Variants in NKAIN3 observed in about 807,000 individuals in gnomAD.
NKAIN3 encodes sodium/potassium-transporting ATPase subunit beta-1-interacting protein 3.
In NKAIN3, 25 loss-of-function variants were observed where a neutral mutation model predicts 30.2. That is an observed-to-expected ratio of 0.83 (90% CI 0.60 to 1.16). NKAIN3 has a LOEUF of 1.16. Among genes scored for constraint, NKAIN3 ranks in the 50% most tolerant of loss-of-function variants. The pLI is 0.00. For synonymous variants in NKAIN3, 91 were observed against 89.6 expected (o/e 1.02, Z -0.09); for missense variants, 225 against 254.1 (o/e 0.89, Z 0.78).
At chr8:62,738,867 A>T (rs1815765805) in intron 3 of NKAIN3, among the ~76,000 whole-genome samples, 1 of 152,088 alleles carries the variant, frequency 6.6e-6, no homozygotes, top group Non-Finnish European at 1.5e-5. Flanking sequence ...TGGCTTTTGA[A>T]ATGCCCTCCA....
intron 1 of NKAIN3, 104 bp from the exon 2 acceptor site, chr8:62,579,435 T>A: frequency 1.3e-6 from 1 of 773,984 alleles, no homozygotes; most frequent in Non-Finnish European, 1.9e-6. Flanking sequence ...ACAAAAAGTG[T>A]GATTGAAGTT....
At chr8:62,863,733 C>T (rs1055245955) in intron 4 of NKAIN3, 5 of 1,588,452 alleles carry the variant, frequency 3.1e-6, no homozygotes, top group Non-Finnish European at 4.3e-6. Flanking sequence ...ACTTTCATTG[C>T]AACAAATCTT....
At chr8:62,456,896 C>A (rs968724271) in intron 1 of NKAIN3, among the ~76,000 whole-genome samples, 4 of 152,218 alleles carry the variant, frequency 2.6e-5, no homozygotes, top group African/African-American at 9.6e-5. Flanking sequence ...CTAGGCACTA[C>A]TTTATAAGAA....
At chr8:62,403,084 C>G (rs368681273) in intron 1 of NKAIN3, among the ~76,000 whole-genome samples, 194 of 152,184 alleles carry the variant, frequency 1.3e-3, no homozygotes, top group African/African-American at 4.6e-3. Context: ...AAACTTGTTG[C>G]GAACTGGAGT....
At chr8:62,712,518 G>A (rs1252740854) in intron 3 of NKAIN3, among the ~76,000 whole-genome samples, 5 of 152,002 alleles carry the variant, frequency 3.3e-5, no homozygotes, top group Non-Finnish European at 4.4e-5. Context: ...GGGAAGTGGG[G>A]GAAAGCCAGC....
chr8:62,683,429 A>G (rs1334621128), intron 3 of NKAIN3, among the ~76,000 whole-genome samples: 1 of 152,202 alleles, frequency 6.6e-6, no homozygotes, highest in Non-Finnish European at 1.5e-5. Flanking sequence ...CTAAGGAGTT[A>G]CCAAAGGTCA....
chr8:62,875,653 A>C (rs928148385), intron 4 of NKAIN3, among the ~76,000 whole-genome samples: 1 of 152,078 alleles, frequency 6.6e-6, no homozygotes, highest in South Asian at 2.1e-4. Flanking sequence ...CAGAACAGAG[A>C]CCTCAGAAAT....
chr8:62,498,174 C>G (rs1262541007), intron 1 of NKAIN3, among the ~76,000 whole-genome samples: 1 of 152,004 alleles, frequency 6.6e-6, no homozygotes, highest in Non-Finnish European at 1.5e-5. Flanking sequence ...AATGAGATCC[C>G]TGGTTGTTTT....
chr8:62,803,386 TA>T (rs1479324021), intron 4 of NKAIN3, among the ~76,000 whole-genome samples: 1 of 151,898 alleles, frequency 6.6e-6, no homozygotes, highest in African/African-American at 2.4e-5. Flanking sequence ...TCAGCAAATG[TA>T]AAAAAACAGA....
At chr8:62,868,942 A>G (rs950685643) in intron 4 of NKAIN3, among the ~76,000 whole-genome samples, 28 of 147,746 alleles carry the variant, frequency 1.9e-4, no homozygotes, top group South Asian at 6.6e-4. Context: ...AGAGAAGGGG[A>G]AAAAAAAAAG....
intron 5 of NKAIN3, among the ~76,000 whole-genome samples, chr8:62,918,847 G>C (rs1822185964): frequency 6.6e-6 from 1 of 152,010 alleles, no homozygotes; most frequent in Non-Finnish European, 1.5e-5. Context: ...ACCAATTTTA[G>C]GCATGTTGGT....
At chr8:62,711,686 CT>C (rs1814723274) in intron 3 of NKAIN3, among the ~76,000 whole-genome samples, 1 of 152,186 alleles carries the variant, frequency 6.6e-6, no homozygotes, top group African/African-American at 2.4e-5. Flanking sequence ...CTTCACCTTT[CT>C]CTGGTCCCTC....
intron 5 of NKAIN3, among the ~76,000 whole-genome samples, chr8:62,994,709 G>T (rs138063693): frequency 3.5e-4 from 54 of 152,268 alleles, no homozygotes; most frequent in Middle Eastern, 6.8e-3. Flanking sequence ...GGCATTAACC[G>T]AGAGAAGAGA....
At chr8:62,710,319 A>G (rs1420293172) in intron 3 of NKAIN3, among the ~76,000 whole-genome samples, 1 of 152,086 alleles carries the variant, frequency 6.6e-6, no homozygotes. Flanking sequence ...GTCATGGAGT[A>G]TGGGAATCCT....
In NKAIN3 at chr8:62,976,972, G is replaced by A. The variant is rs1563652279; in HGVS notation, c.*11565G>A. Among the ~76,000 whole-genome samples, 1 of 152,166 alleles carries A rather than the reference G, an allele frequency of 6.6e-6. No individual in the cohort carries two copies. Among genetic ancestry groups the A allele is most frequent in the Non-Finnish European group, 1.5e-5 (1 of 68,036 alleles). ...AGTTTGGCTGGATATGAAATTCTGG[G>A]TTGAAAATTCTTTTCTTTAAGAATG... On this transcript the variant is annotated 3_prime_UTR_variant, in exon 7 of 7. Transcript: ENST00000623646.
At chr8:62,779,573 CA>C (rs904721360) in intron 4 of NKAIN3, among the ~76,000 whole-genome samples, 3 of 151,150 alleles carry the variant, frequency 2.0e-5, no homozygotes, top group Admixed American at 2.0e-4. Context: ...GCAAGAAAGC[CA>C]AAAAAAATTG....
chr8:62,476,217 T>C (rs139835242), intron 1 of NKAIN3, among the ~76,000 whole-genome samples: 6 of 152,284 alleles, frequency 3.9e-5, no homozygotes, highest in Non-Finnish European at 8.8e-5. Flanking sequence ...CAAGGGAATG[T>C]AGTGACTAAA....
chr8:62,627,282 C>A (rs1811820867), intron 3 of NKAIN3, among the ~76,000 whole-genome samples: 1 of 152,008 alleles, frequency 6.6e-6, no homozygotes, highest in Admixed American at 6.6e-5. Context: ...CAAATAGTGC[C>A]CTGTGCAAAT....
intron 1 of NKAIN3, among the ~76,000 whole-genome samples, chr8:62,480,156 T>C (rs1806667164): frequency 6.6e-6 from 1 of 152,152 alleles, no homozygotes; most frequent in Admixed American, 6.5e-5. Context: ...TATTTCCCCC[T>C]TTCCCCATCT....
Sources: gnomAD v4.1 joint callset for allele counts (sites outside exome capture counted in the v4.1 genomes callset) on GRCh38, gnomAD v4.1.1 for gene constraint, MANE v1.5 for transcripts, NCBI Gene and HGNC (gene_info 2026-07-23, HGNC 2026-07-21) for gene names.